The following SPTBN2 variants were observed in gnomAD, a reference collection of about 807,000 sequenced individuals.
The protein encoded by SPTBN2 is spectrin beta chain, non-erythrocytic 2.
A neutral mutation model predicts 284.2 loss-of-function variants in SPTBN2; 107 were observed. The observed-to-expected ratio is 0.38, with a 90% CI of 0.32 to 0.44. SPTBN2 has a LOEUF of 0.44. SPTBN2 is among the 20% of genes least tolerant of loss of function. SPTBN2 has a pLI of 1.00. For missense variants in SPTBN2, 2,569 were observed against 3,287.1 expected (o/e 0.78, Z 5.34); for synonymous variants, 1,289 against 1,354.8 (o/e 0.95, Z 1.07).
intron 3 of SPTBN2, among the ~76,000 whole-genome samples, chr11:66,719,109 G>A (rs1412777687): frequency 6.6e-6 from 1 of 152,268 alleles, no homozygotes; most frequent in Non-Finnish European, 1.5e-5. Flanking sequence ...GGATGTGTGG[G>A]CTTTGAGCCC....
intron 1 of SPTBN2, among the ~76,000 whole-genome samples, chr11:66,724,673 C>T (rs1565160817): frequency 6.6e-6 from 1 of 152,162 alleles, no homozygotes; most frequent in Non-Finnish European, 1.5e-5. Flanking sequence ...CTTTGGGGAT[C>T]CAACTTGGTC....
At position 66,707,853 on chromosome 11, in the gene SPTBN2, C is replaced by G; in HGVS notation, c.1351-35G>C. On this transcript the variant is annotated intron_variant, in intron 12 of 37. Transcript: ENST00000533211. The surrounding 1 kb of genome is among the most constrained non-coding windows in gnomAD (Gnocchi z 4.9). ...GGGCAGGGAGAGGAGGTGTGGGGAC[C>G]AAGGGACAGTGCCTCTGCCTGCTCC... 6.2e-7 allele frequency: 1 copy of G among 1,602,174 alleles called. No individual in the cohort carries two copies. The highest frequency in any genetic ancestry group is 8.5e-7 in the Non-Finnish European group (1 of 1,178,866).
chr11:66,691,255 T>G lies in SPTBN2; in HGVS notation c.5565+29A>C. ...TTTCCCCCATGGCCTCCTCTAAGCC[T>G]CCCCCACCTCCTCATGCTTGGGTCA... On this transcript the variant is annotated intron_variant, in intron 27 of 37. Coordinates refer to ENST00000533211, the MANE Select transcript of SPTBN2 (RefSeq NM_006946.4). This position sits in a 1 kb window ranked among gnomAD's most constrained non-coding sequence, Gnocchi z 8.0. The G allele has an allele frequency of 1.3e-6, 2 of 1,511,908 alleles. No individual in the cohort carries two copies. Among genetic ancestry groups the G allele is most frequent in the Non-Finnish European group, 1.8e-6 (2 of 1,129,322 alleles). 93.7% of individuals were successfully genotyped at this position (1,511,908 alleles called of 1,614,324 possible). A position where few individuals can be genotyped will look rare whatever the true frequency, so the allele number is the denominator to read the frequency against.
At chr11:66,694,758 G>A (rs1940809834) in intron 21 of SPTBN2, among the ~76,000 whole-genome samples, 1 of 152,190 alleles carries the variant, frequency 6.6e-6, no homozygotes, top group African/African-American at 2.4e-5. Context: ...ATCCATCGTG[G>A]CCCTGCTTTG....
chr11:66,715,456 T>C lies in SPTBN2; in HGVS notation c.310-61A>G. 1 of 1,564,350 alleles carries C rather than the reference T, an allele frequency of 6.4e-7. No homozygotes were observed. The highest frequency in any genetic ancestry group is 8.7e-7 in the Non-Finnish European group (1 of 1,152,122). On this transcript the variant is annotated intron_variant, in intron 4 of 37. Transcript: ENST00000533211. The surrounding 1 kb of genome is among the most constrained non-coding windows in gnomAD (Gnocchi z 5.3). Reference sequence around the variant, plus strand: ...TGGGCTTCCACCTTCTTCCCCAGCCTTCACAGGGCCCAGCTTTGCACACCT... The same window carrying C: ...TGGGCTTCCACCTTCTTCCCCAGCCCTCACAGGGCCCAGCTTTGCACACCT...
rs1459753379 is a variant in SPTBN2 at position 66,691,204 on chromosome 11, C to G, written c.5565+80G>C. On this transcript the variant is annotated intron_variant, in intron 27 of 37. Coordinates refer to ENST00000533211, the MANE Select transcript of SPTBN2 (RefSeq NM_006946.4). This position sits in a 1 kb window ranked among gnomAD's most constrained non-coding sequence, Gnocchi z 8.0. The stretch of plus-strand genomic sequence containing the variant: ...CCTCCCAGCATTTCTGAGCTCTACC[C>G]TAGCTCCTGGGAACTCTCCCCGGCA... 2.0e-6 allele frequency: 3 copies of G among 1,486,338 alleles called. No individual in the cohort carries two copies. Among genetic ancestry groups the G allele is most frequent in the Non-Finnish European group, 2.7e-6 (3 of 1,115,996 alleles). 92.1% of individuals were successfully genotyped at this position (1,486,338 alleles called of 1,614,324 possible).
chr11:66,685,570 G>T lies in SPTBN2; in HGVS notation c.*301C>A. On this transcript the variant is annotated 3_prime_UTR_variant, in exon 38 of 38. Transcript: ENST00000533211. The surrounding 1 kb of genome is among the most constrained non-coding windows in gnomAD (Gnocchi z 4.4). The stretch of plus-strand genomic sequence containing the variant: ...TCCCCACATGGCCTATGTTGAGGGT[G>T]CGGCACTGTCCACACCGTGGTGAGG... 2.4e-6 allele frequency: 1 copy of T among 417,044 alleles called. No individual in the cohort carries two copies. Among genetic ancestry groups the T allele is most frequent in the Non-Finnish European group, 4.5e-6 (1 of 220,216 alleles). 25.8% of individuals were successfully genotyped at this position (417,044 alleles called of 1,614,324 possible). A position where few individuals can be genotyped will look rare whatever the true frequency, so the allele number is the denominator to read the frequency against.
At chr11:66,711,076 T>C in intron 8 of SPTBN2, 47 bp from the exon 9 acceptor site, 1 of 1,521,722 alleles carries the variant, frequency 6.6e-7, no homozygotes, top group Non-Finnish European at 9.1e-7. Flanking sequence ...AGTTCATCCA[T>C]AACTTGCATC....
Position 66,708,196 on chromosome 11 carries a change from C to T in SPTBN2, c.1295G>A (p.Arg432His), listed in dbSNP as rs908342992. ...CCAGGTCTCCCGCATGGCAGCCTTGCGGTCGAAGCGGGCGGCCAGCTGCTC... is the reference window on the plus strand; with the variant it reads ...CCAGGTCTCCCGCATGGCAGCCTTGTGGTCGAAGCGGGCGGCCAGCTGCTC... ...KLEQLAARFDRKAAMRETWLS... is the reference protein window; with the variant it reads ...KLEQLAARFDHKAAMRETWLS... The change falls in exon 12 of 38, where the codon CGC becomes CAC. Residue 432 changes from arginine to histidine, a missense_variant. Coordinates refer to ENST00000533211, the MANE Select transcript of SPTBN2 (RefSeq NM_006946.4). The surrounding 1 kb of genome is among the most constrained non-coding windows in gnomAD (Gnocchi z 4.4). 9 of 1,612,282 alleles carry T rather than the reference C, an allele frequency of 5.6e-6. No individual in the cohort carries two copies. Among genetic ancestry groups the T allele is most frequent in the African/African-American group, 4.0e-5 (3 of 74,912 alleles).
At chr11:66,712,013 C>G (rs903386505) in intron 8 of SPTBN2, among the ~76,000 whole-genome samples, 2 of 152,206 alleles carry the variant, frequency 1.3e-5, no homozygotes, top group Non-Finnish European at 2.9e-5. Context: ...TTTCTCTCCT[C>G]CCTGTTCTGG....
In SPTBN2 at chr11:66,705,203, G is replaced by A. The variant is rs770017498; in HGVS notation, c.2073C>T (p.Ser691=). 43 of 1,538,320 alleles carry A rather than the reference G, an allele frequency of 2.8e-5. No homozygotes were observed. The highest frequency in any genetic ancestry group is 5.9e-5 in the Admixed American group (3 of 51,268). The stretch of plus-strand genomic sequence containing the variant: ...TGAGCTTCAGGGGCCCCAGCCGGCC[G>A]CTCATCTCGCCCCGCAGGGCTGTGT... ...NKHTALRGEM[S]GRLGPLKLTL... is the part of the protein sequence containing the mutation. Residue 691 remains serine (S), a synonymous_variant, in exon 15 of 38, where the codon AGC becomes AGT. Coordinates refer to ENST00000533211, the MANE Select transcript of SPTBN2 (RefSeq NM_006946.4).
rs1189828115 is a variant in SPTBN2, at chr11:66,708,268, T to C, written c.1223A>G (p.Glu408Gly). 1 of 1,602,260 alleles carries C rather than the reference T, an allele frequency of 6.2e-7. No homozygotes were observed. The highest frequency in any genetic ancestry group is 1.7e-5 in the Admixed American group (1 of 59,648). ...AWERLEKAEH[E>G]RELALRTELI... The stretch of plus-strand genomic sequence containing the variant: ...CTCGGTGCGCAGGGCCAGCTCACGC[T>C]CGTGCTCCGCCTTCTCCAGCCGCTC... Residue 408 changes from glutamate to glycine, a missense_variant, in exon 12 of 38, where the codon GAG becomes GGG. Around this residue, in one of 6 missense-constraint regions of SPTBN2, gnomAD observed 1,012 missense variants for 1,248.9 expected, o/e 0.81. Transcript: ENST00000533211. This position sits in a 1 kb window ranked among gnomAD's most constrained non-coding sequence, Gnocchi z 4.4.
upstream of SPTBN2, among the ~76,000 whole-genome samples, chr11:66,730,575 C>T (rs922435594): frequency 2.1e-5 from 3 of 144,650 alleles, no homozygotes; most frequent in Non-Finnish European, 3.0e-5. Flanking sequence ...AACGAGACTC[C>T]ATCTCCAAAA....
rs765015336 is a variant in SPTBN2 at position 66,686,038 on chromosome 11, C to T, written c.7006G>A (p.Glu2336Lys). ...AIATASSASGEPEEPVVPSTT... is the reference protein window; with the variant it reads ...AIATASSASGKPEEPVVPSTT... ...CTGGGCACCACCGGCTCTTCAGGCT[C>T]TCCAGAGGCAGAAGACGCTGTGGCA... The change falls in exon 38 of 38, where the codon GAG (glutamate) becomes AAG (lysine). Residue 2336 changes from glutamate (E) to lysine (K), a missense_variant. This residue lies in a region of SPTBN2 where 1,130 missense variants were observed against 1,317.3 expected (regional missense o/e 0.86). Transcript: ENST00000533211. 4.3e-6 allele frequency: 7 copies of T among 1,613,610 alleles called. No homozygotes were observed. The African/African-American group carries it at 8.0e-5, about 18-fold the overall frequency.
intron 20 of SPTBN2, among the ~76,000 whole-genome samples, chr11:66,698,435 C>T (rs907699931): frequency 1.3e-5 from 2 of 152,254 alleles, no homozygotes; most frequent in Non-Finnish European, 2.9e-5. Context: ...CTAATTTGTA[C>T]TTTATCAAGG....
rs1211978757 is a variant in SPTBN2, at chr11:66,687,015, C to T, written c.6875G>A (p.Arg2292His). 3.1e-6 allele frequency: 5 copies of T among 1,613,924 alleles called. No individual in the cohort carries two copies. The highest frequency in any genetic ancestry group is 2.2e-5 in the South Asian group (2 of 91,088). ...CTACCCCAGCTTGAAGACATGTTTG[C>T]GCTTTCGGTAATCAAAGGCGACGCT... The part of the protein sequence containing the change: ...QGSVAFDYRK[R>H]KHVFKLGLQD... Residue 2292 changes from arginine (R) to histidine (H), a missense_variant, in exon 36 of 38, where the codon CGC becomes CAC. Physicochemically the swap from Arg to His is conservative, Grantham distance 29 (BLOSUM62 0). Around this residue, in one of 6 missense-constraint regions of SPTBN2, gnomAD observed 1,130 missense variants for 1,317.3 expected, o/e 0.86. Transcript: ENST00000533211. The surrounding 1 kb of genome is among the most constrained non-coding windows in gnomAD (Gnocchi z 5.2).
In SPTBN2 at chr11:66,705,844, G is replaced by A; in HGVS notation, c.1654-7C>T. The stretch of plus-strand genomic sequence containing the variant: ...CCTGAGACTGCAGCCGGCCCTGCCA[G>A]GCACACATGAAGTGCACATGCCCGC... On this transcript the variant is annotated splice_polypyrimidine_tract_variant and splice_region_variant and intron_variant, in intron 13 of 37. Transcript: ENST00000533211. 6.2e-7 allele frequency: 1 copy of A among 1,611,940 alleles called. No individual in the cohort carries two copies. The highest frequency in any genetic ancestry group is 2.2e-5 in the East Asian group (1 of 44,854).
Position 66,710,489 on chromosome 11 carries a change from C to A in SPTBN2, c.1073+93G>T. The stretch of plus-strand genomic sequence containing the variant: ...GGGAAATCTCCACTGCATTTATGTA[C>A]TGCCAAATTTCCCTCCCTGAAGGCT... On this transcript the variant is annotated intron_variant, in intron 10 of 37. Coordinates refer to ENST00000533211, the MANE Select transcript of SPTBN2 (RefSeq NM_006946.4). This position sits in a 1 kb window ranked among gnomAD's most constrained non-coding sequence, Gnocchi z 4.9. The A allele has an allele frequency of 7.6e-7, 1 of 1,316,794 alleles. No homozygotes were observed. The allele number at this position is 1,316,794 out of a possible 1,614,324, so 81.6% of individuals were successfully genotyped here. A position where few individuals can be genotyped will look rare whatever the true frequency, so the allele number is the denominator to read the frequency against.
chr11:66,693,077 C>T lies in SPTBN2; in HGVS notation c.4878G>A (p.Glu1626=), dbSNP rs1355249617. 2 of 1,614,042 alleles carry T rather than the reference C, an allele frequency of 1.2e-6. No homozygotes were observed. Among genetic ancestry groups the T allele is most frequent in the African/African-American group, 1.3e-5 (1 of 74,942 alleles). The change falls in exon 25 of 38, where the codon GAG becomes GAA. Residue 1626 remains glutamate (E), a synonymous_variant. Transcript: ENST00000533211. This position sits in a 1 kb window ranked among gnomAD's most constrained non-coding sequence, Gnocchi z 5.7. Reference sequence around the variant, plus strand: ...GCTCCAGCACCTGGTGCTTCTTCACCTCTGCCTGGGCACTCAGCTCATCCT... The same window carrying T: ...GCTCCAGCACCTGGTGCTTCTTCACTTCTGCCTGGGCACTCAGCTCATCCT... ...KAKDELSAQA[E]VKKHQVLEQA...
Sources: allele counts gnomAD v4.1 joint callset (sites outside exome capture counted in the v4.1 genomes callset), GRCh38; gene constraint gnomAD v4.1.1; regional missense constraint gnomAD v4.1.1; non-coding constraint Gnocchi (gnomAD v3.1); transcripts MANE v1.5; gene names NCBI Gene and HGNC (gene_info 2026-07-23, HGNC 2026-07-21).